The following VPS53 variants were observed in gnomAD, a reference collection of about 807,000 sequenced individuals.
VPS53 encodes vacuolar protein sorting-associated protein 53 homolog.
A neutral mutation model predicts 107.0 loss-of-function variants in VPS53; 70 were observed. The observed-to-expected ratio is 0.65, with a 90% CI of 0.54 to 0.80. The LOEUF is 0.80. VPS53 is among the 30% of genes least tolerant of loss of function. The probability of loss-of-function intolerance (pLI) is 0.00; values close to 1 mark genes in which losing one functional copy is unlikely to be tolerated. For synonymous variants in VPS53, 409 were observed against 393.3 expected (o/e 1.04, Z -0.47); for missense variants, 917 against 1,049.4 (o/e 0.87, Z 1.74).
At chr17:646,898 G>A (rs972814540) in intron 7 of VPS53, among the ~76,000 whole-genome samples, 3 of 151,952 alleles carry the variant, frequency 2.0e-5, no homozygotes, top group South Asian at 2.1e-4. Flanking sequence ...CCGTGACCGC[G>A]TGGCCACTGC....
At chr17:579,629 G>C (rs1372174890) in intron 13 of VPS53, among the ~76,000 whole-genome samples, 30 of 81,402 alleles carry the variant, frequency 3.7e-4, no homozygotes, top group East Asian at 1.0e-3. Context: ...AATGCATTCC[G>C]AGAGAACTTC....
intron 12 of VPS53, among the ~76,000 whole-genome samples, chr17:586,949 A>G (rs961459504): frequency 1.3e-5 from 2 of 152,304 alleles, no homozygotes; most frequent in East Asian, 3.9e-4. Flanking sequence ...TTTGAATTCC[A>G]TCAGTAAGAA....
In VPS53 at chr17:628,318, C is replaced by T. The variant is rs8075534; in HGVS notation, c.688-87G>A. 3.7e-3 allele frequency: 5,549 copies of T among 1,503,330 alleles called. 134 individuals carry two copies. The East Asian group carries it at 0.067, about 18-fold the overall frequency. 93.1% of individuals were successfully genotyped at this position (1,503,330 alleles called of 1,614,324 possible). A position where few individuals can be genotyped will look rare whatever the true frequency, so the allele number is the denominator to read the frequency against. On this transcript the variant is annotated intron_variant, in intron 8 of 21. Transcript: ENST00000437048. ...TCACAGCCACTACTTGTTATCTCTACGCATTGTCAGTCTTACTCCTGCTCC... is the reference window on the plus strand; with the variant it reads ...TCACAGCCACTACTTGTTATCTCTATGCATTGTCAGTCTTACTCCTGCTCC...
intron 4 of VPS53, among the ~76,000 whole-genome samples, chr17:683,849 AT>A (rs1420180592): frequency 7.2e-5 from 11 of 152,344 alleles, no homozygotes; most frequent in African/African-American, 1.7e-4. Context: ...TATAAAATAA[AT>A]GTAGAAACTT....
At chr17:644,303 C>G (rs1195615284) in intron 7 of VPS53, among the ~76,000 whole-genome samples, 1 of 152,218 alleles carries the variant, frequency 6.6e-6, no homozygotes, top group African/African-American at 2.4e-5. Context: ...GACTTCTACA[C>G]TTTACAGACA....
intron 18 of VPS53, chr17:536,681 A>G: frequency 4.6e-6 from 1 of 217,428 alleles, no homozygotes; most frequent in Non-Finnish European, 9.3e-6. Flanking sequence ...TCAAATTGTG[A>G]GGATGCTGGT....
intron 6 of VPS53, 34 bp from the exon 7 acceptor site, chr17:653,444 A>G: frequency 6.2e-7 from 1 of 1,613,608 alleles, no homozygotes; most frequent in Non-Finnish European, 8.5e-7. Context: ...AAGTCTAGAA[A>G]AACACTAAAG....
At chr17:685,372 C>A (rs1276292777) in intron 4 of VPS53, among the ~76,000 whole-genome samples, 1 of 152,180 alleles carries the variant, frequency 6.6e-6, no homozygotes, top group Non-Finnish European at 1.5e-5. Context: ...TCTTACTACA[C>A]GATGGTGCAA....
At chr17:598,614 C>T (rs1352776999) in intron 12 of VPS53, among the ~76,000 whole-genome samples, 1 of 149,024 alleles carries the variant, frequency 6.7e-6, no homozygotes, top group Non-Finnish European at 1.5e-5. Context: ...TGCCCTGCCG[C>T]CCCGTCTGGG....
intron 2 of VPS53, chr17:705,542 C>T (rs1356661806): frequency 6.6e-6 from 1 of 152,206 alleles, no homozygotes; most frequent in Non-Finnish European, 1.5e-5. Context: ...CGAGACCATC[C>T]TATCCTGGCC....
chr17:670,615 G>C (rs1372755349), intron 4 of VPS53, among the ~76,000 whole-genome samples: 1 of 152,192 alleles, frequency 6.6e-6, no homozygotes, highest in East Asian at 1.9e-4. Flanking sequence ...AGTGCCTTAA[G>C]AAATGAGCAT....
chr17:543,048 T>C (rs899017602), intron 17 of VPS53, among the ~76,000 whole-genome samples: 4 of 152,222 alleles, frequency 2.6e-5, no homozygotes, highest in African/African-American at 9.6e-5. Flanking sequence ...GGAAAAATCT[T>C]TTTTATGAAA....
At chr17:641,021 A>G (rs1446400836) in intron 7 of VPS53, among the ~76,000 whole-genome samples, 2 of 151,854 alleles carry the variant, frequency 1.3e-5, no homozygotes, top group African/African-American at 4.8e-5. Context: ...CGCCTGGCTA[A>G]TTTTTTGTAT....
At chr17:609,555 CAG>C (rs563610843) in intron 11 of VPS53, among the ~76,000 whole-genome samples, 653 of 152,212 alleles carry the variant, frequency 4.3e-3, no homozygotes, top group Non-Finnish European at 6.8e-3. Context: ...TTCTATTTGG[CAG>C]AGTTACCCCT....
chr17:598,708 G>A (rs368394489), intron 12 of VPS53, among the ~76,000 whole-genome samples: 4 of 116,902 alleles, frequency 3.4e-5, no homozygotes, highest in African/African-American at 1.1e-4. Context: ...TGAGAAGTGA[G>A]GAGACCCTCT....
At chr17:544,755 T>C (rs966431686) in intron 17 of VPS53, among the ~76,000 whole-genome samples, 5 of 152,196 alleles carry the variant, frequency 3.3e-5, no homozygotes, top group African/African-American at 9.6e-5. Flanking sequence ...TAGTAACTTA[T>C]TATCAACTCA....
At chr17:610,067 C>CT (rs371924353) in intron 11 of VPS53, among the ~76,000 whole-genome samples, 2,524 of 151,066 alleles carry the variant, frequency 0.017, 38 homozygotes, top group Non-Finnish European at 0.025. Context: ...GGAGGCAGAG[C>CT]TTGCAGTGAG....
Position 632,206 on chromosome 17 carries a change from C to T in VPS53, c.609-578G>A, listed in dbSNP as rs549751667. Among the ~76,000 whole-genome samples, 67 of 152,270 alleles carry T rather than the reference C, an allele frequency of 4.4e-4. 1 individual carries two copies. Among genetic ancestry groups the T allele is most frequent in the Non-Finnish European group, 8.7e-4 (59 of 68,020 alleles). Reference sequence around the variant, plus strand: ...GAAGATACACTGAGCTATGATCACACCACAGCACTCCAGCCTGGGTGACAG... The same window carrying T: ...GAAGATACACTGAGCTATGATCACATCACAGCACTCCAGCCTGGGTGACAG... On this transcript the variant is annotated intron_variant, in intron 7 of 21. Coordinates refer to ENST00000437048, the MANE Select transcript of VPS53 (RefSeq NM_001128159.3).
At chr17:634,878 C>T (rs1970126573) in intron 7 of VPS53, among the ~76,000 whole-genome samples, 1 of 143,020 alleles carries the variant, frequency 7.0e-6, no homozygotes, top group Non-Finnish European at 1.6e-5. Context: ...GTCTTTATAG[C>T]AGCATGATTT....
Sources: gnomAD v4.1 joint callset for allele counts (sites outside exome capture counted in the v4.1 genomes callset) on GRCh38, gnomAD v4.1.1 for gene constraint, MANE v1.5 for transcripts, NCBI Gene and HGNC (gene_info 2026-07-23, HGNC 2026-07-21) for gene names.